Variants in ADAMTS17 observed in about 807,000 individuals in gnomAD.
ADAMTS17 encodes the protein A disintegrin and metalloproteinase with thrombospondin motifs 17.
Under a neutral mutation model 141.5 loss-of-function variants are expected in ADAMTS17, and 113 were observed. That is an observed-to-expected ratio of 0.80 (90% CI 0.69 to 0.93). The LOEUF is 0.93. Ranked by LOEUF, ADAMTS17 falls within the 40% of genes least tolerant of loss-of-function variation. The pLI, the probability that ADAMTS17 is intolerant of heterozygous loss-of-function variation, is 0.00. For synonymous variants in ADAMTS17, 768 were observed against 630.6 expected (o/e 1.22, Z -3.27); for missense variants, 1,659 against 1,517.9 (o/e 1.09, Z -1.54).
chr15:100,115,027 G>A (rs994954664), intron 13 of ADAMTS17, among the ~76,000 whole-genome samples: 2 of 152,254 alleles, frequency 1.3e-5, no homozygotes, highest in Non-Finnish European at 2.9e-5. Flanking sequence ...GAAATTTGAA[G>A]AGCGTGAGTC....
At chr15:100,294,547 C>T (rs1300943741) in intron 3 of ADAMTS17, among the ~76,000 whole-genome samples, 2 of 129,504 alleles carry the variant, frequency 1.5e-5, no homozygotes, top group Non-Finnish European at 3.4e-5. Context: ...CCAGCGTGGG[C>T]AAAAAAAAAA....
intron 8 of ADAMTS17, among the ~76,000 whole-genome samples, chr15:100,162,537 A>G (rs559846347): frequency 1.9e-5 from 1 of 51,364 alleles, no homozygotes; most frequent in African/African-American, 8.2e-5. Flanking sequence ...TACACATTAT[A>G]TGTGTATATA....
chr15:100,229,516 C>A (rs2042411818), intron 7 of ADAMTS17, among the ~76,000 whole-genome samples: 1 of 152,166 alleles, frequency 6.6e-6, no homozygotes, highest in African/African-American at 2.4e-5. Flanking sequence ...GCTCACTTCA[C>A]ATTCAGGAAG....
Position 99,997,298 on chromosome 15 carries a change from G to T in ADAMTS17, c.2796+87C>A. ...CAAGCTGACCTGGGGGCGAGCGAGGGCTGGGAGGCACCAGAATGTCACCAA... is the reference window on the plus strand; with the variant it reads ...CAAGCTGACCTGGGGGCGAGCGAGGTCTGGGAGGCACCAGAATGTCACCAA... On this transcript the variant is annotated intron_variant, in intron 19 of 21. Transcript: ENST00000268070. This position sits in a 1 kb window ranked among gnomAD's most constrained non-coding sequence, Gnocchi z 4.7. The T allele has an allele frequency of 6.7e-7, 1 of 1,483,882 alleles. No homozygotes were observed. The highest frequency in any genetic ancestry group is 9.4e-7 in the Non-Finnish European group (1 of 1,067,684). 91.9% of individuals were successfully genotyped at this position (1,483,882 alleles called of 1,614,324 possible).
chr15:100,181,912 G>A (rs983239857), intron 8 of ADAMTS17, among the ~76,000 whole-genome samples: 1 of 152,170 alleles, frequency 6.6e-6, no homozygotes, highest in Non-Finnish European at 1.5e-5. Flanking sequence ...CAGTCCTTGT[G>A]GCCCAAACTG....
At chr15:100,185,160 A>G (rs2040664363) in intron 8 of ADAMTS17, among the ~76,000 whole-genome samples, 1 of 150,834 alleles carries the variant, frequency 6.6e-6, no homozygotes, top group Admixed American at 6.6e-5. Flanking sequence ...TGATTCCATC[A>G]CTTACAAGCT....
chr15:100,328,890 T>G (rs2045967740), intron 3 of ADAMTS17, among the ~76,000 whole-genome samples: 1 of 152,114 alleles, frequency 6.6e-6, no homozygotes, highest in Non-Finnish European at 1.5e-5. Context: ...AGAAGACACA[T>G]CTGTCCTTTG....
intron 7 of ADAMTS17, among the ~76,000 whole-genome samples, chr15:100,251,511 A>G (rs538381907): frequency 6.6e-6 from 1 of 152,350 alleles, no homozygotes; most frequent in South Asian, 2.1e-4. Context: ...GGATCATGAG[A>G]TCAGCAGATC....
At chr15:100,027,928 C>T (rs2061547858) in intron 18 of ADAMTS17, among the ~76,000 whole-genome samples, 2 of 152,108 alleles carry the variant, frequency 1.3e-5, no homozygotes, top group Admixed American at 1.3e-4. Flanking sequence ...CGAGTCCTAC[C>T]ACTTGATAGC....
intron 8 of ADAMTS17, among the ~76,000 whole-genome samples, chr15:100,170,526 A>G (rs1025762993): frequency 1.3e-5 from 2 of 152,208 alleles, no homozygotes; most frequent in African/African-American, 4.8e-5. Flanking sequence ...AGATACATCA[A>G]ATTGGGAACC....
Position 100,151,261 on chromosome 15 carries a change from C to T in ADAMTS17, c.1473+1351G>A, listed in dbSNP as rs145258451. 9.2e-3 allele frequency among the ~76,000 whole-genome samples: 1,396 copies of T among 152,284 alleles called. 10 individuals carry two copies. The highest frequency in any genetic ancestry group is 0.015 in the Non-Finnish European group (1,003 of 68,010). ...GAAGCAGCACTACAGTGTGGATAAA[C>T]GTCCTTTGGGGAAACAGCCAGTAGG... On this transcript the variant is annotated intron_variant, in intron 10 of 21. Coordinates refer to ENST00000268070, the MANE Select transcript of ADAMTS17 (RefSeq NM_139057.4).
rs1421268456 is a variant in ADAMTS17 at position 100,341,826 on chromosome 15, C to T, written c.74G>A (p.Gly25Asp). 4 of 1,551,226 alleles carry T rather than the reference C, an allele frequency of 2.6e-6. No homozygotes were observed. Among genetic ancestry groups the T allele is most frequent in the Admixed American group, 2.0e-5 (1 of 51,150 alleles). Residue 25 changes from glycine to aspartate, a missense_variant, in exon 1 of 22, where the codon GGC becomes GAC. Gly to Asp is a moderately conservative substitution (Grantham distance 94). Coordinates refer to ENST00000268070, the MANE Select transcript of ADAMTS17 (RefSeq NM_139057.4). ...GCTGTGGGAGGGGGCGCTACCTGTGCCCGGGTCCAGTCCCCAAACCAGCAG... is the reference window on the plus strand; with the variant it reads ...GCTGTGGGAGGGGGCGCTACCTGTGTCCGGGTCCAGTCCCCAAACCAGCAG... ...LLLLVWGLDP[G>D]TAVGDAAADV...
At chr15:100,083,680 C>T (rs1162990819) in intron 15 of ADAMTS17, among the ~76,000 whole-genome samples, 1 of 151,198 alleles carries the variant, frequency 6.6e-6, no homozygotes, top group Admixed American at 6.6e-5. Context: ...CAAATGTAAA[C>T]AAAGTCTAGT....
chr15:100,087,393 G>T (rs559777155), intron 15 of ADAMTS17, among the ~76,000 whole-genome samples: 2 of 152,074 alleles, frequency 1.3e-5, no homozygotes, highest in South Asian at 4.1e-4. Flanking sequence ...ATTCACAGCC[G>T]AATTCTACCA....
At chr15:100,248,037 A>G (rs541991473) in intron 7 of ADAMTS17, among the ~76,000 whole-genome samples, 1 of 152,192 alleles carries the variant, frequency 6.6e-6, no homozygotes, top group Non-Finnish European at 1.5e-5. Flanking sequence ...CCCCAAGTTC[A>G]GGGAAAGCCA....
chr15:100,197,416 T>C (rs1596250503), intron 8 of ADAMTS17, among the ~76,000 whole-genome samples: 1 of 152,204 alleles, frequency 6.6e-6, no homozygotes, highest in African/African-American at 2.4e-5. Context: ...GGCATGCTGG[T>C]TGGGTCCCTT....
At position 99,973,637 on chromosome 15, in the gene ADAMTS17, G is replaced by C. The variant is rs1411588684; in HGVS notation, c.*765C>G. ...TTCTTATGTCACAGCACCTTGAAGA[G>C]AGGCCCTTCTGTTTCCCTACACGGT... On this transcript the variant is annotated 3_prime_UTR_variant, in exon 22 of 22. Transcript: ENST00000268070. 6.6e-6 allele frequency: 1 copy of C among 152,432 alleles called. No individual in the cohort carries two copies. Among genetic ancestry groups the C allele is most frequent in the Non-Finnish European group, 1.5e-5 (1 of 68,392 alleles). 9.4% of individuals were successfully genotyped at this position (152,432 alleles called of 1,614,324 possible).
intron 8 of ADAMTS17, among the ~76,000 whole-genome samples, chr15:100,169,154 A>G (rs1234789768): frequency 6.6e-6 from 1 of 152,218 alleles, no homozygotes; most frequent in Non-Finnish European, 1.5e-5. Flanking sequence ...AGCCCAAGGC[A>G]TTCAGAGAAC....
chr15:100,067,938 C>A (rs2033664870), intron 15 of ADAMTS17, among the ~76,000 whole-genome samples: 1 of 152,156 alleles, frequency 6.6e-6, no homozygotes, highest in Non-Finnish European at 1.5e-5. Flanking sequence ...TGAGCGTGAG[C>A]TGAAGCAGGG....
Sources: allele counts gnomAD v4.1 joint callset (sites outside exome capture counted in the v4.1 genomes callset), GRCh38; gene constraint gnomAD v4.1.1; non-coding constraint Gnocchi (gnomAD v3.1); transcripts MANE v1.5; gene names NCBI Gene and HGNC (gene_info 2026-07-23, HGNC 2026-07-21).